Variants in GSE1 observed in about 807,000 individuals in gnomAD.
The protein encoded by GSE1 is Gse1 coiled-coil protein, also known as genetic suppressor element 1.
GSE1 carries 32 observed loss-of-function variants against 112.6 expected under a neutral mutation model. The observed-to-expected ratio is 0.28, with a 90% CI of 0.21 to 0.38. The LOEUF (loss-of-function observed/expected upper bound fraction) is 0.38, where lower values mean the gene tolerates loss of function less well. Ranked by LOEUF, GSE1 falls within the 10% of genes least tolerant of loss-of-function variation. The probability of loss-of-function intolerance (pLI) is 1.00; values close to 1 mark genes in which losing one functional copy is unlikely to be tolerated. For missense variants in GSE1, 2,348 were observed against 1,699.2 expected (o/e 1.38, Z -6.71); for synonymous variants, 1,115 against 735.6 (o/e 1.52, Z -8.35).
chr16:85,568,044 G>A (rs778969063), intron 1 of GSE1, among the ~76,000 whole-genome samples: 4 of 152,168 alleles, frequency 2.6e-5, no homozygotes, highest in Non-Finnish European at 4.4e-5. Context: ...CCTCTTAATG[G>A]GGGAATGGTA....
In GSE1 at chr16:85,265,316, A is replaced by G. The variant is rs139253914; in HGVS notation, c.2284-92147A>G. Among the ~76,000 whole-genome samples the G allele has an allele frequency of 3.0e-3, 452 of 152,226 alleles. 5 individuals carry two copies. Among genetic ancestry groups the G allele is most frequent in the African/African-American group, 0.01 (436 of 41,540 alleles). Reference sequence around the variant, plus strand: ...AAGCCAGTTTCATAAACGGAACAGAAAGGAGTTGGCGGCCACCTCCGCTGG... The same window carrying G: ...AAGCCAGTTTCATAAACGGAACAGAGAGGAGTTGGCGGCCACCTCCGCTGG... On this transcript the variant is annotated intron_variant, in intron 1 of 2. Transcript: ENST00000637419.
At position 85,645,654 on chromosome 16, in the gene GSE1, G is replaced by A. The variant is rs570213649; in HGVS notation, c.227-2898G>A. 5.9e-5 allele frequency among the ~76,000 whole-genome samples: 9 copies of A among 152,216 alleles called. No homozygotes were observed. In the South Asian group the frequency reaches 1.9e-3, roughly 31 times the overall value. ...CCCCCTGTGAGCAGCAGTTTTCTTT[G>A]GTGAATGTGCGCGTGCCCACTCCGG... On this transcript the variant is annotated intron_variant, in intron 2 of 15. Coordinates refer to ENST00000253458, the MANE Select transcript of GSE1 (RefSeq NM_014615.5).
At chr16:85,623,215 CTTT>C (rs34549947) in intron 1 of GSE1, among the ~76,000 whole-genome samples, 9 of 139,848 alleles carry the variant, frequency 6.4e-5, no homozygotes, top group Non-Finnish European at 9.4e-5. Context: ...TTGTCCACTC[CTTT>C]TTTTTTTTTT....
At chr16:85,374,101 C>G (rs779486264) in intron 2 of GSE1, among the ~76,000 whole-genome samples, 1 of 151,960 alleles carries the variant, frequency 6.6e-6, no homozygotes, top group Admixed American at 6.5e-5. Context: ...GGTGTGTGCA[C>G]GCGTGGCCCT....
chr16:85,226,921 G>A (rs1026382159), intron 1 of GSE1, among the ~76,000 whole-genome samples: 1 of 151,976 alleles, frequency 6.6e-6, no homozygotes, highest in African/African-American at 2.4e-5. Flanking sequence ...CCCGAAAACT[G>A]AGGTTCTCCT....
At chr16:85,513,783 A>G (rs1598019334) in intron 2 of GSE1, among the ~76,000 whole-genome samples, 1 of 151,066 alleles carries the variant, frequency 6.6e-6, no homozygotes. Context: ...GGAGCCCCCC[A>G]CCCCCGGTGC....
intron 1 of GSE1, among the ~76,000 whole-genome samples, chr16:85,614,178 C>T (rs1224421062): frequency 6.6e-6 from 1 of 151,784 alleles, no homozygotes; most frequent in African/African-American, 2.4e-5. Flanking sequence ...GGCCTTTTTC[C>T]CTCCCCGGCC....
chr16:85,357,434 CTCACTGTG>C (rs1402892977), intron 1 of GSE1: 35 of 1,182,884 alleles, frequency 3.0e-5, no homozygotes, highest in Non-Finnish European at 3.4e-5. Flanking sequence ...ATGGCCCAGG[CTCACTGTG>C]TCCACCTCTT....
intron 1 of GSE1, among the ~76,000 whole-genome samples, chr16:85,590,846 C>T (rs1055000115): frequency 2.6e-5 from 4 of 152,202 alleles, no homozygotes; most frequent in East Asian, 1.9e-4. Flanking sequence ...CCCTCTTTTC[C>T]GTCCTGTAAA....
intron 1 of GSE1, among the ~76,000 whole-genome samples, chr16:85,327,054 C>T (rs117675483): frequency 0.016 from 2,363 of 152,334 alleles, 39 homozygotes; most frequent in Admixed American, 0.033. Context: ...CAAGACAGTG[C>T]GTGCACCTAC....
At chr16:85,501,023 T>TTTTTTTTTA (rs2051348210) in intron 2 of GSE1, among the ~76,000 whole-genome samples, 1 of 144,860 alleles carries the variant, frequency 6.9e-6, no homozygotes, top group African/African-American at 2.7e-5. Flanking sequence ...TTTTTTTTTT[T>TTTTTTTTTA]GAGACGGAGT....
intron 2 of GSE1, among the ~76,000 whole-genome samples, chr16:85,646,770 G>A (rs1208613302): frequency 6.6e-6 from 1 of 152,120 alleles, no homozygotes; most frequent in Non-Finnish European, 1.5e-5. Flanking sequence ...TCGTCAGGCT[G>A]GGCAGGGCTC....
intron 7 of GSE1, 104 bp from the exon 8 acceptor site, chr16:85,657,173 T>C: frequency 1.3e-6 from 1 of 790,762 alleles, no homozygotes; most frequent in Non-Finnish European, 2.0e-6. Flanking sequence ...AAGAACCCTT[T>C]GGAAGGGCTC....
Position 85,338,876 on chromosome 16 carries a change from A to T in GSE1, c.2284-18587A>T, listed in dbSNP as rs909803777. 3.3e-5 allele frequency among the ~76,000 whole-genome samples: 5 copies of T among 152,076 alleles called. No homozygotes were observed. The South Asian group carries it at 8.3e-4, about 25-fold the overall frequency. On this transcript the variant is annotated intron_variant, in intron 1 of 2. Coordinates refer to the GSE1 transcript ENST00000637419. Reference sequence around the variant, plus strand: ...GACAGGTGCTGCTGCCGGTGGCGTTACTCTCGTGATACTGCTGAGGATGGA... The same window carrying T: ...GACAGGTGCTGCTGCCGGTGGCGTTTCTCTCGTGATACTGCTGAGGATGGA...
chr16:85,236,985 G>T (rs1904731363), intron 1 of GSE1, among the ~76,000 whole-genome samples: 2 of 152,170 alleles, frequency 1.3e-5, no homozygotes, highest in South Asian at 4.1e-4. Context: ...CACCCCAAGG[G>T]TTTCCATTTC....
At chr16:85,500,260 T>C (rs2051315976) in intron 2 of GSE1, among the ~76,000 whole-genome samples, 1 of 152,162 alleles carries the variant, frequency 6.6e-6, no homozygotes, top group Non-Finnish European at 1.5e-5. Flanking sequence ...TGGGAACGTG[T>C]TTTGTAGTTC....
At chr16:85,310,688 G>C (rs908489107) in intron 1 of GSE1, among the ~76,000 whole-genome samples, 1 of 152,044 alleles carries the variant, frequency 6.6e-6, no homozygotes, top group African/African-American at 2.4e-5. Context: ...GGGCCCGCTG[G>C]GGCCCACCAG....
intron 2 of GSE1, among the ~76,000 whole-genome samples, chr16:85,526,131 G>A (rs1406753500): frequency 2.6e-5 from 4 of 152,140 alleles, no homozygotes; most frequent in Admixed American, 2.0e-4. Flanking sequence ...CACCTGACTC[G>A]CAGCCCACCA....
chr16:85,344,903 C>G (rs2151547067), intron 1 of GSE1, among the ~76,000 whole-genome samples: 1 of 152,374 alleles, frequency 6.6e-6, no homozygotes, highest in South Asian at 2.1e-4. Context: ...CAGGCAGATG[C>G]AGGTGACCCG....
Sources: gnomAD v4.1 joint callset for allele counts (sites outside exome capture counted in the v4.1 genomes callset) on GRCh38, gnomAD v4.1.1 for gene constraint, MANE v1.5 for transcripts, NCBI Gene and HGNC (gene_info 2026-07-23, HGNC 2026-07-21) for gene names.